Variants in PCSK5 observed in about 807,000 individuals in gnomAD.
The protein encoded by PCSK5 is prohormone convertase 5.
Under a neutral mutation model 233.2 loss-of-function variants are expected in PCSK5, and 129 were observed. The ratio of observed to expected loss-of-function variants is 0.55; its 90% CI spans 0.48 to 0.64. The LOEUF is 0.64. PCSK5 is among the 30% of genes least tolerant of loss of function. The pLI is 0.00. For missense variants in PCSK5, 2,076 were observed against 2,430.1 expected (o/e 0.85, Z 3.06); for synonymous variants, 825 against 879.2 (o/e 0.94, Z 1.09).
At chr9:76,162,327 A>G (rs530643634) in intron 12 of PCSK5, among the ~76,000 whole-genome samples, 29 of 152,274 alleles carry the variant, frequency 1.9e-4, no homozygotes, top group African/African-American at 7.0e-4. Context: ...CTTTCATTTC[A>G]TTAGAGGAAA....
intron 1 of PCSK5, among the ~76,000 whole-genome samples, chr9:75,906,387 G>A (rs1448218980): frequency 3.3e-5 from 5 of 152,018 alleles, no homozygotes; most frequent in South Asian, 2.1e-4. Context: ...CACCATGCCC[G>A]GCTAATTTTT....
chr9:76,044,297 A>G (rs1007681936), intron 5 of PCSK5, among the ~76,000 whole-genome samples: 1 of 152,226 alleles, frequency 6.6e-6, no homozygotes, highest in Non-Finnish European at 1.5e-5. Flanking sequence ...GAAGTCAGAC[A>G]TTTCCATACT....
chr9:75,981,784 A>C (rs1826287957), intron 2 of PCSK5, among the ~76,000 whole-genome samples: 1 of 151,986 alleles, frequency 6.6e-6, no homozygotes, highest in African/African-American at 2.4e-5. Flanking sequence ...GCTGGTCTTG[A>C]ACTCCTGGGC....
chr9:76,253,868 A>C (rs1826894515), intron 24 of PCSK5, among the ~76,000 whole-genome samples: 1 of 152,190 alleles, frequency 6.6e-6, no homozygotes, highest in Non-Finnish European at 1.5e-5. Flanking sequence ...TGTCTTCACA[A>C]AGGAAGTAGT....
At chr9:75,956,741 T>A (rs1372475175) in intron 2 of PCSK5, among the ~76,000 whole-genome samples, 3 of 152,134 alleles carry the variant, frequency 2.0e-5, no homozygotes, top group African/African-American at 7.2e-5. Context: ...TGGACAAGAT[T>A]GCAAAATAGA....
intron 8 of PCSK5, among the ~76,000 whole-genome samples, chr9:76,105,815 A>T (rs1831954779): frequency 1.3e-5 from 2 of 152,226 alleles, no homozygotes; most frequent in African/African-American, 4.8e-5. Flanking sequence ...TCTAGTACAG[A>T]TAATCTGGTA....
intron 14 of PCSK5, among the ~76,000 whole-genome samples, chr9:76,177,950 A>AT (rs34069752): frequency 0.13 from 18,729 of 149,702 alleles, 1,449 homozygotes; most frequent in Admixed American, 0.21. Context: ...AATGTTTGGG[A>AT]TTTTTTTTTT....
intron 9 of PCSK5, among the ~76,000 whole-genome samples, chr9:76,118,082 AT>A (rs1832498279): frequency 1.3e-5 from 2 of 152,068 alleles, no homozygotes; most frequent in South Asian, 4.1e-4. Context: ...TAGCAGATGT[AT>A]TCAATTCTAT....
In PCSK5 at chr9:76,292,218, A is replaced by AC. The variant is rs1828299891; in HGVS notation, c.3143-15_3143-14insC. On this transcript the variant is annotated splice_polypyrimidine_tract_variant and intron_variant, in intron 24 of 37. Transcript: ENST00000674117. Reference sequence around the variant, plus strand: ...TTCCTCATGATTATTACTTTTTATTATTTTTTTTTTCCAGATGATCCAGGA... The same window carrying AC: ...TTCCTCATGATTATTACTTTTTATTACTTTTTTTTTTCCAGATGATCCAGGA... 2 of 1,404,996 alleles carry AC rather than the reference A, an allele frequency of 1.4e-6. No homozygotes were observed. Among genetic ancestry groups the AC allele is most frequent in the Admixed American group, 1.8e-5 (1 of 56,542 alleles). 87.0% of individuals were successfully genotyped at this position (1,404,996 alleles called of 1,614,324 possible).
intron 5 of PCSK5, among the ~76,000 whole-genome samples, chr9:76,034,500 C>A (rs1013931050): frequency 1.3e-5 from 2 of 152,056 alleles, no homozygotes; most frequent in Non-Finnish European, 2.9e-5. Flanking sequence ...CTCTATGTAT[C>A]CCCTCCTCTT....
chr9:76,184,777 T>TA lies in PCSK5; in HGVS notation c.2282+21dup. On this transcript the variant is annotated intron_variant, in intron 17 of 37. Coordinates refer to ENST00000674117, the MANE Select transcript of PCSK5 (RefSeq NM_001372043.1). The stretch of plus-strand genomic sequence containing the variant: ...GTTAAGGTAAGAGAGTGAAGGATTT[T>TA]ATCAAGTAACACAGCCCAAAGAGCT... The TA allele has an allele frequency of 6.9e-7, 1 of 1,442,088 alleles. No individual in the cohort carries two copies. The highest frequency in any genetic ancestry group is 9.7e-7 in the Non-Finnish European group (1 of 1,028,798). The allele number at this position is 1,442,088 out of a possible 1,614,324, so 89.3% of individuals were successfully genotyped here.
chr9:76,221,795 C>A (rs1258251335), intron 20 of PCSK5, among the ~76,000 whole-genome samples: 1 of 152,192 alleles, frequency 6.6e-6, no homozygotes, highest in Non-Finnish European at 1.5e-5. Flanking sequence ...TACGATCCAT[C>A]CTTTTTGCAG....
At chr9:76,155,100 C>T (rs1281061945) in intron 10 of PCSK5, among the ~76,000 whole-genome samples, 1 of 152,132 alleles carries the variant, frequency 6.6e-6, no homozygotes, top group African/African-American at 2.4e-5. Flanking sequence ...CTGTATAAAA[C>T]TCCCACATTT....
intron 2 of PCSK5, among the ~76,000 whole-genome samples, chr9:75,968,041 C>T (rs1171515346): frequency 3.3e-5 from 5 of 152,128 alleles, no homozygotes; most frequent in Admixed American, 6.5e-5. Context: ...GGATTACAGA[C>T]GTGAGCCACT....
chr9:76,277,403 T>C (rs1022659093), intron 24 of PCSK5, among the ~76,000 whole-genome samples: 1 of 152,168 alleles, frequency 6.6e-6, no homozygotes, highest in African/African-American at 2.4e-5. Flanking sequence ...TAGAGAAGCA[T>C]GGAAATCCAC....
chr9:76,257,291 G>A (rs936967361), intron 24 of PCSK5, among the ~76,000 whole-genome samples: 4 of 152,108 alleles, frequency 2.6e-5, no homozygotes, highest in Admixed American at 2.6e-4. Context: ...AAGCTCCACT[G>A]GTTGAGGAGA....
intron 20 of PCSK5, among the ~76,000 whole-genome samples, chr9:76,223,548 G>A (rs898210097): frequency 6.6e-6 from 1 of 152,152 alleles, no homozygotes; most frequent in African/African-American, 2.4e-5. Flanking sequence ...TTCAACTTTT[G>A]AGGTAGCATT....
intron 10 of PCSK5, among the ~76,000 whole-genome samples, chr9:76,141,470 C>T (rs962248436): frequency 6.6e-6 from 1 of 152,096 alleles, no homozygotes; most frequent in African/African-American, 2.4e-5. Flanking sequence ...TCTTAATCAG[C>T]TTTATTGAGG....
At chr9:76,128,562 A>G in intron 9 of PCSK5, among the ~76,000 whole-genome samples, 1 of 152,190 alleles carries the variant, frequency 6.6e-6, no homozygotes, top group Non-Finnish European at 1.5e-5. Context: ...TGCAGTAAGT[A>G]TTTGCAGTGA....
Sources: gnomAD v4.1 joint callset for allele counts (sites outside exome capture counted in the v4.1 genomes callset) on GRCh38, gnomAD v4.1.1 for gene constraint, MANE v1.5 for transcripts, NCBI Gene and HGNC (gene_info 2026-07-23, HGNC 2026-07-21) for gene names.